Variants in ANO3 observed in about 807,000 individuals in gnomAD.
The protein encoded by ANO3 is anoctamin 3, also known as anoctamin-3.
A neutral mutation model predicts 144.8 loss-of-function variants in ANO3; 99 were observed. The observed-to-expected ratio is 0.68, with a 90% CI of 0.58 to 0.81. ANO3 has a LOEUF of 0.81. ANO3 is among the 30% of genes least tolerant of loss of function. The pLI is 0.00. For synonymous variants in ANO3, 414 were observed against 392.6 expected (o/e 1.05, Z -0.64); for missense variants, 905 against 1,202.2 (o/e 0.75, Z 3.66).
At chr11:26,272,069 C>T (rs1853451160) in intron 1 of ANO3, among the ~76,000 whole-genome samples, 1 of 151,946 alleles carries the variant, frequency 6.6e-6, no homozygotes, top group South Asian at 2.1e-4. Flanking sequence ...CCATGTGATG[C>T]TAATCGTCTC....
intron 1 of ANO3, among the ~76,000 whole-genome samples, chr11:26,264,907 A>G (rs535319375): frequency 5.2e-4 from 79 of 152,224 alleles, no homozygotes; most frequent in African/African-American, 1.9e-3. Flanking sequence ...GGACTTCAAC[A>G]TATAAATATA....
intron 12 of ANO3, 37 bp from the exon 13 acceptor site, chr11:26,553,212 A>G (rs1404879603): frequency 2.4e-6 from 3 of 1,240,202 alleles, no homozygotes; most frequent in African/African-American, 3.3e-5. Context: ...GTTTCATGCT[A>G]TGTTTTGTTT....
rs546751197 is a variant in ANO3 at position 26,294,576 on chromosome 11, G to T, written c.155-15069G>T. ...CTGCTCTCCAAGTGAAGAAACCAAG[G>T]GTCAGTAGGATTAAGCAACTTCTGC... On this transcript the variant is annotated intron_variant, in intron 1 of 27. Coordinates refer to the ANO3 transcript ENST00000672621. 2.6e-5 allele frequency among the ~76,000 whole-genome samples: 4 copies of T among 152,158 alleles called. No homozygotes were observed. The East Asian group carries it at 7.7e-4, about 29-fold the overall frequency.
intron 12 of ANO3, among the ~76,000 whole-genome samples, chr11:26,548,203 C>T (rs1849839213): frequency 1.3e-5 from 2 of 151,720 alleles, no homozygotes; most frequent in African/African-American, 2.4e-5. Flanking sequence ...GTAGTGAAAT[C>T]GGATTTGACA....
chr11:26,488,193 A>G (rs1340991338), intron 4 of ANO3, among the ~76,000 whole-genome samples: 1 of 152,148 alleles, frequency 6.6e-6, no homozygotes, highest in Non-Finnish European at 1.5e-5. Context: ...AAAACAAAAC[A>G]AAATCCCATT....
intron 1 of ANO3, among the ~76,000 whole-genome samples, chr11:26,317,118 G>C (rs758987753): frequency 2.6e-5 from 4 of 152,108 alleles, no homozygotes; most frequent in Admixed American, 1.3e-4. Flanking sequence ...ACTAGTTCTG[G>C]GTAGCACACT....
chr11:26,417,262 C>G (rs556826597), intron 1 of ANO3, among the ~76,000 whole-genome samples: 1 of 151,996 alleles, frequency 6.6e-6, no homozygotes, highest in African/African-American at 2.4e-5. Context: ...TATTCATAAT[C>G]GCAAAAAGAC....
intron 1 of ANO3, among the ~76,000 whole-genome samples, chr11:26,334,395 T>C (rs1855140078): frequency 6.6e-6 from 1 of 152,236 alleles, no homozygotes; most frequent in African/African-American, 2.4e-5. Context: ...ATTCTCTAGA[T>C]GTGATCTGTC....
chr11:26,225,375 T>A (rs1023797679), intron 1 of ANO3, among the ~76,000 whole-genome samples: 2 of 152,108 alleles, frequency 1.3e-5, no homozygotes, highest in East Asian at 1.9e-4. Context: ...CTACAATTAC[T>A]TTTTTAGAAA....
At position 26,385,908 on chromosome 11, in the gene ANO3, T is replaced by TATATATATAC. The variant is rs1310559300; in HGVS notation, c.46+53588_46+53589insTATATATACA. Among the ~76,000 whole-genome samples, 28 of 149,458 alleles carry TATATATATAC rather than the reference T, an allele frequency of 1.9e-4. 1 individual carries two copies. The highest frequency in any genetic ancestry group is 6.5e-4 in the African/African-American group (26 of 39,816). The stretch of plus-strand genomic sequence containing the variant: ...CTTTGTGTGTGTATATATATTTATA[T>TATATATATAC]ACATATTTACATGTATAAGCATACA... On this transcript the variant is annotated intron_variant, in intron 1 of 26. Transcript: ENST00000256737.
At chr11:26,647,614 C>T in intron 23 of ANO3, 95 bp from the exon 24 acceptor site, 1 of 1,216,690 alleles carries the variant, frequency 8.2e-7, no homozygotes, top group Non-Finnish European at 1.2e-6. Flanking sequence ...GCTGTGGTTC[C>T]AACATAAGTA....
intron 4 of ANO3, among the ~76,000 whole-genome samples, chr11:26,479,995 C>T (rs992824260): frequency 6.6e-6 from 1 of 152,066 alleles, no homozygotes; most frequent in Non-Finnish European, 1.5e-5. Context: ...GTTGGAGGAA[C>T]AGTGTGAGCA....
chr11:26,641,019 G>C (rs1565160003), intron 21 of ANO3, among the ~76,000 whole-genome samples: 1 of 152,156 alleles, frequency 6.6e-6, no homozygotes, highest in South Asian at 2.1e-4. Context: ...TTGAGGGTTG[G>C]GTACTGTTCA....
chr11:26,524,281 A>G lies in ANO3; in HGVS notation c.693-1354A>G, dbSNP rs868239785. On this transcript the variant is annotated intron_variant, in intron 6 of 26. Transcript: ENST00000256737. The stretch of plus-strand genomic sequence containing the variant: ...GAAGTATTTAAAGTGTGAGTTTCGG[A>G]TAGATATAACAAGTTTCAATGTTCC... 1.1e-4 allele frequency among the ~76,000 whole-genome samples: 17 copies of G among 152,334 alleles called. No homozygotes were observed. The South Asian group carries it at 2.9e-3, about 26-fold the overall frequency.
chr11:26,531,966 A>C (rs2134185701), intron 8 of ANO3, among the ~76,000 whole-genome samples: 1 of 152,312 alleles, frequency 6.6e-6, no homozygotes, highest in African/African-American at 2.4e-5. Context: ...ACCCAGTCTA[A>C]TGGGGCAGAC....
intron 1 of ANO3, among the ~76,000 whole-genome samples, chr11:26,298,119 A>G (rs1854134799): frequency 6.6e-6 from 1 of 152,242 alleles, no homozygotes; most frequent in Non-Finnish European, 1.5e-5. Flanking sequence ...AGAGACTACA[A>G]GACAGAGATC....
At chr11:26,302,321 C>A (rs1471427980) in intron 1 of ANO3, among the ~76,000 whole-genome samples, 5 of 152,036 alleles carry the variant, frequency 3.3e-5, no homozygotes. Context: ...ACGGTGAAAC[C>A]CCGTCTTTAC....
At position 26,442,253 on chromosome 11, in the gene ANO3, C is replaced by A. The variant is rs1462617335; in HGVS notation, c.241+141C>A. 5.1e-6 allele frequency: 4 copies of A among 785,504 alleles called. No individual in the cohort carries two copies. In the African/African-American group the frequency reaches 5.2e-5, roughly 10 times the overall value. 48.7% of individuals were successfully genotyped at this position (785,504 alleles called of 1,614,324 possible). ...TGGCATAGAAAGGAGACCAGTACACCATGCCATTTGTTGGCCAGATGTGTT... is the reference window on the plus strand; with the variant it reads ...TGGCATAGAAAGGAGACCAGTACACAATGCCATTTGTTGGCCAGATGTGTT... On this transcript the variant is annotated intron_variant, in intron 2 of 26. Transcript: ENST00000256737.
rs541176579 is a variant in ANO3 at position 26,660,860 on chromosome 11, G to C, written c.*416G>C. The stretch of plus-strand genomic sequence containing the variant: ...TCACTCACATACTAATTTGACTTTG[G>C]AAAGTATGGTTGAGTTCAGATACTT... On this transcript the variant is annotated 3_prime_UTR_variant, in exon 27 of 27. Transcript: ENST00000256737. 1.9e-5 allele frequency: 3 copies of C among 159,032 alleles called. No homozygotes were observed. Among genetic ancestry groups the C allele is most frequent in the Non-Finnish European group, 4.1e-5 (3 of 72,610 alleles). The allele number at this position is 159,032 out of a possible 1,614,324, so 9.9% of individuals were successfully genotyped here.
Sources: allele counts gnomAD v4.1 joint callset (sites outside exome capture counted in the v4.1 genomes callset), GRCh38; gene constraint gnomAD v4.1.1; transcripts MANE v1.5; gene names NCBI Gene and HGNC (gene_info 2026-07-23, HGNC 2026-07-21).